Variants in CDH12 observed in about 807,000 individuals in gnomAD.
CDH12 encodes cadherin 12, also known as cadherin-12.
Under a neutral mutation model 74.1 loss-of-function variants are expected in CDH12, and 41 were observed. The ratio of observed to expected loss-of-function variants is 0.55; its 90% CI spans 0.43 to 0.72. The LOEUF (loss-of-function observed/expected upper bound fraction) is 0.72. CDH12 is among the 30% of genes least tolerant of loss of function. The pLI, the probability that CDH12 is intolerant of heterozygous loss-of-function variation, is 0.00. For missense variants in CDH12, 945 were observed against 977.2 expected (o/e 0.97, Z 0.44); for synonymous variants, 399 against 355.0 (o/e 1.12, Z -1.39).
At chr5:22,441,179 C>T (rs1348327352) in intron 2 of CDH12, among the ~76,000 whole-genome samples, 1 of 152,166 alleles carries the variant, frequency 6.6e-6, no homozygotes, top group Non-Finnish European at 1.5e-5. Context: ...TAAATATCTA[C>T]ATGTATATTT....
intron 5 of CDH12, among the ~76,000 whole-genome samples, chr5:22,045,168 A>G (rs1739850157): frequency 2.6e-5 from 4 of 152,208 alleles, no homozygotes; most frequent in Admixed American, 2.6e-4. Flanking sequence ...AGACATATAA[A>G]TGGCCAACTG....
chr5:22,772,420 A>C (rs1343561477), intron 1 of CDH12, among the ~76,000 whole-genome samples: 1 of 152,098 alleles, frequency 6.6e-6, no homozygotes, highest in African/African-American at 2.4e-5. Context: ...TCAAAAGTGG[A>C]GTGAACTACC....
intron 6 of CDH12, among the ~76,000 whole-genome samples, chr5:21,958,646 G>A (rs1454638348): frequency 2.0e-5 from 3 of 151,972 alleles, no homozygotes; most frequent in Non-Finnish European, 4.4e-5. Context: ...CTGTTCTATT[G>A]GTTTATGTCC....
At chr5:22,300,634 A>G (rs1451935617) in intron 3 of CDH12, among the ~76,000 whole-genome samples, 2 of 152,218 alleles carry the variant, frequency 1.3e-5, no homozygotes, top group African/African-American at 2.4e-5. Flanking sequence ...TCAATATAAC[A>G]TATTTCAGCA....
chr5:21,910,904 A>G (rs1292258755), intron 6 of CDH12, among the ~76,000 whole-genome samples: 1 of 152,128 alleles, frequency 6.6e-6, no homozygotes, highest in African/African-American at 2.4e-5. Flanking sequence ...TAAGGGAGCT[A>G]GAGGACTCAA....
At chr5:22,111,442 C>T (rs957916910) in intron 4 of CDH12, among the ~76,000 whole-genome samples, 12 of 152,220 alleles carry the variant, frequency 7.9e-5, no homozygotes, top group East Asian at 1.9e-4. Context: ...AATCTAGGAA[C>T]GTTCTCTGTT....
Position 21,764,833 on chromosome 5 carries a change from T to A in CDH12, c.1515+145A>T, listed in dbSNP as rs1744927805. ...CATCTATATCATTAATTCACAAGAG[T>A]TTAATTAATCTTTTATGGTTTCTTT... On this transcript the variant is annotated intron_variant, in intron 12 of 14. Transcript: ENST00000382254. 5 of 751,586 alleles carry A rather than the reference T, an allele frequency of 6.7e-6. No homozygotes were observed. The East Asian group carries it at 1.3e-4, about 20-fold the overall frequency. The allele number at this position is 751,586 out of a possible 1,614,324, so 46.6% of individuals were successfully genotyped here. A position where few individuals can be genotyped will look rare whatever the true frequency, so the allele number is the denominator to read the frequency against.
rs191757838 is a variant in CDH12, at chr5:22,048,118, A to G, written c.231+30328T>C. Among the ~76,000 whole-genome samples, 4 of 152,276 alleles carry G rather than the reference A, an allele frequency of 2.6e-5. No homozygotes were observed. In the East Asian group the frequency reaches 7.7e-4, roughly 29 times the overall value. On this transcript the variant is annotated intron_variant, in intron 5 of 14. Transcript: ENST00000382254. ...TTGCCTGGACACATATTGGTCATGC[A>G]TTGGGTACAGGAGTTAACCTGGATC...
intron 3 of CDH12, among the ~76,000 whole-genome samples, chr5:22,227,238 C>T (rs1752225836): frequency 6.6e-6 from 1 of 151,854 alleles, no homozygotes; most frequent in Admixed American, 6.6e-5. Context: ...TGTATTAATC[C>T]CCATCTGGTA....
At chr5:22,338,129 A>G (rs1561324614) in intron 3 of CDH12, among the ~76,000 whole-genome samples, 1 of 152,256 alleles carries the variant, frequency 6.6e-6, no homozygotes, top group East Asian at 1.9e-4. Flanking sequence ...CCATGTTTAT[A>G]GCATACTGTT....
chr5:22,021,090 C>G (rs923184886), intron 5 of CDH12, among the ~76,000 whole-genome samples: 7 of 152,204 alleles, frequency 4.6e-5, no homozygotes, highest in African/African-American at 1.4e-4. Flanking sequence ...TTTGCACACC[C>G]ATAATGGGAT....
chr5:22,131,572 C>T lies in CDH12; in HGVS notation c.-186-52710G>A, dbSNP rs541780630. ...CTCCACTCCTACTATTCTAGGTCAC[C>T]TTGTTCCTTGTTGAGAGATAGCCAC... On this transcript the variant is annotated intron_variant, in intron 4 of 14. Coordinates refer to ENST00000382254, the MANE Select transcript of CDH12 (RefSeq NM_004061.5). Among the ~76,000 whole-genome samples the T allele has an allele frequency of 9.3e-4, 141 of 152,242 alleles. 1 individual carries two copies. The highest frequency in any genetic ancestry group is 3.1e-3 in the African/African-American group (130 of 41,564).
chr5:22,703,939 A>AACATAAC (rs754893543), intron 1 of CDH12, among the ~76,000 whole-genome samples: 64 of 152,144 alleles, frequency 4.2e-4, no homozygotes, highest in Non-Finnish European at 8.2e-4. Flanking sequence ...AGGTTAACAT[A>AACATAAC]ATAGACGTAT....
chr5:22,505,342 A>G lies in CDH12; in HGVS notation c.-500T>C. 1.0e-6 allele frequency: 1 copy of G among 984,388 alleles called. No individual in the cohort carries two copies. Among genetic ancestry groups the G allele is most frequent in the Non-Finnish European group, 1.2e-6 (1 of 829,030 alleles). 61.0% of individuals were successfully genotyped at this position (984,388 alleles called of 1,614,324 possible). A position where few individuals can be genotyped will look rare whatever the true frequency, so the allele number is the denominator to read the frequency against. ...CCAGCTTGTCTATATTTCCCAAAAG[A>G]GCCAAGCTGTTAGGTAACAAAGCTG... On this transcript the variant is annotated 5_prime_UTR_variant, in exon 2 of 15. Transcript: ENST00000382254.
chr5:22,366,930 C>T (rs1220858216), intron 3 of CDH12, among the ~76,000 whole-genome samples: 1 of 152,156 alleles, frequency 6.6e-6, no homozygotes, highest in Non-Finnish European at 1.5e-5. Context: ...TCCTAACCTT[C>T]AATTTTGTCT....
intron 5 of CDH12, among the ~76,000 whole-genome samples, chr5:22,057,260 G>A (rs572680125): frequency 1.3e-5 from 2 of 152,252 alleles, no homozygotes; most frequent in South Asian, 4.1e-4. Flanking sequence ...GCTGAACTTA[G>A]TCTAAAAGCC....
intron 1 of CDH12, among the ~76,000 whole-genome samples, chr5:22,764,468 A>G (rs1444879655): frequency 6.6e-6 from 1 of 152,008 alleles, no homozygotes; most frequent in Non-Finnish European, 1.5e-5. Context: ...AACTAAATAA[A>G]TACAAAAGTT....
At chr5:22,044,017 G>C (rs1292106370) in intron 5 of CDH12, among the ~76,000 whole-genome samples, 1 of 152,002 alleles carries the variant, frequency 6.6e-6, no homozygotes, top group Non-Finnish European at 1.5e-5. Flanking sequence ...ACTACCCAAG[G>C]TGATCCATAG....
intron 1 of CDH12, among the ~76,000 whole-genome samples, chr5:22,511,077 T>C (rs1736586839): frequency 6.6e-6 from 1 of 152,022 alleles, no homozygotes; most frequent in Non-Finnish European, 1.5e-5. Context: ...GTATTTTTAG[T>C]ACAGACAGGG....
Sources: gnomAD v4.1 joint callset for allele counts (sites outside exome capture counted in the v4.1 genomes callset) on GRCh38, gnomAD v4.1.1 for gene constraint, MANE v1.5 for transcripts, NCBI Gene and HGNC (gene_info 2026-07-23, HGNC 2026-07-21) for gene names.